Variants in POLR2K observed in about 807,000 individuals in gnomAD.
POLR2K encodes RNA polymerase II, I and III subunit K.
A neutral mutation model predicts 10.1 loss-of-function variants in POLR2K; 9 were observed. The ratio of observed to expected loss-of-function variants is 0.89; its 90% CI spans 0.54 to 1.56. The LOEUF (loss-of-function observed/expected upper bound fraction) is 1.56, where lower values mean the gene tolerates loss of function less well. Ranked by LOEUF, POLR2K falls within the 40% of genes most tolerant of loss-of-function variation. The probability of loss-of-function intolerance (pLI) is 0.00; values close to 1 mark genes in which losing one functional copy is unlikely to be tolerated. For missense variants in POLR2K, 53 were observed against 71.9 expected (o/e 0.74, Z 0.95); for synonymous variants, 19 against 20.3 (o/e 0.94, Z 0.17).
rs1586360976 is a variant in POLR2K, at chr8:100,151,744, A to G, written c.62-80A>G. On this transcript the variant is annotated intron_variant, in intron 2 of 3. Coordinates refer to ENST00000353107, the MANE Select transcript of POLR2K (RefSeq NM_005034.4). ...ATATTTTAGTGTTTTGGATTGCCTT[A>G]GGTAAATAATACATTTAAGATAATT... is the stretch of plus-strand genomic sequence containing the variant. The G allele has an allele frequency of 2.0e-5, 14 of 689,766 alleles. 1 individual carries two copies. In the East Asian group the frequency reaches 3.6e-4, roughly 18 times the overall value. The allele number at this position is 689,766 out of a possible 1,614,324, so 42.7% of individuals were successfully genotyped here.
intron 2 of POLR2K, 38 bp downstream of exon 2, chr8:100,151,454 T>A (rs545149302): frequency 7.7e-7 from 1 of 1,299,816 alleles, no homozygotes; most frequent in Admixed American, 1.7e-5. Context: ...AATATTTTAT[T>A]TAAGTTTTTT....
chr8:100,151,565 A>T (rs1814919571), intron 2 of POLR2K, 149 bp downstream of exon 2: 2 of 639,438 alleles, frequency 3.1e-6, no homozygotes, highest in South Asian at 4.0e-5. Context: ...TGAGGTCAGT[A>T]GACCTGGGTT....
rs1487354077 is a variant in POLR2K, at chr8:100,150,644, G to T, written c.-75G>T. 1 of 152,422 alleles carries T rather than the reference G, an allele frequency of 6.6e-6. No homozygotes were observed. Among genetic ancestry groups the T allele is most frequent in the Non-Finnish European group, 1.5e-5 (1 of 68,206 alleles). The allele number at this position is 152,422 out of a possible 1,614,324, so 9.4% of individuals were successfully genotyped here. A position where few individuals can be genotyped will look rare whatever the true frequency, so the allele number is the denominator to read the frequency against. On this transcript the variant is annotated 5_prime_UTR_variant, in exon 1 of 4. Transcript: ENST00000353107. ...CGTCATGTACCAGCGCCGGAAGTTG[G>T]TCTCGACACCTGGACTAGCCGGGTT...
chr8:100,151,799 A>C (rs1409721837), intron 2 of POLR2K, 25 bp from the exon 3 acceptor site: 4 of 1,093,190 alleles, frequency 3.7e-6, no homozygotes, highest in Non-Finnish European at 5.5e-6. Context: ...TTAGGCATTG[A>C]GTAAATTTTT....
intron 3 of POLR2K, 76 bp downstream of exon 3, chr8:100,151,992 C>G (rs758783411): frequency 9.0e-6 from 7 of 775,626 alleles, no homozygotes; most frequent in African/African-American, 1.8e-5. Context: ...AGATTAATTT[C>G]TGGTTAAAAT....
intron 3 of POLR2K, chr8:100,152,210 C>G: frequency 5.6e-6 from 3 of 533,192 alleles, no homozygotes; most frequent in South Asian, 4.7e-5. Context: ...CTACAGAAAC[C>G]TAGACCGTAT....
chr8:100,151,549 A>T (rs1814919255), intron 2 of POLR2K, 133 bp downstream of exon 2: 3 of 686,468 alleles, frequency 4.4e-6, no homozygotes, highest in African/African-American at 1.8e-5. Flanking sequence ...CCATAAAAAA[A>T]ATCGTTGAGG....
intron 2 of POLR2K, 124 bp from the exon 3 acceptor site, chr8:100,151,700 C>T: frequency 1.7e-6 from 1 of 605,938 alleles, no homozygotes; most frequent in South Asian, 2.2e-5. Context: ...ATAAAAGCAG[C>T]AGACCCTTGA....
At chr8:100,151,137 A>C (rs573793419) in intron 1 of POLR2K, among the ~76,000 whole-genome samples, 4 of 152,350 alleles carry the variant, frequency 2.6e-5, no homozygotes, top group African/African-American at 9.6e-5. Context: ...ATAATGGCCT[A>C]ACACGTATGA....
intron 1 of POLR2K, among the ~76,000 whole-genome samples, chr8:100,151,000 T>G (rs1157735285): frequency 6.6e-6 from 1 of 152,188 alleles, no homozygotes; most frequent in African/African-American, 2.4e-5. Context: ...AACGCGAGCT[T>G]TACAGTCAGA....
In POLR2K at chr8:100,152,383, G is replaced by A. The variant is rs574330788; in HGVS notation, c.154+467G>A. Among the ~76,000 whole-genome samples the A allele has an allele frequency of 1.0e-3, 152 of 152,280 alleles. 1 individual carries two copies. The highest frequency in any genetic ancestry group is 1.6e-3 in the Non-Finnish European group (111 of 68,024). On this transcript the variant is annotated intron_variant, in intron 3 of 3. Transcript: ENST00000353107. ...GCAAAAATAGAGTATAATCTTATGC[G>A]ACCACTGTTTATATGTGCTCCATCT...
intron 3 of POLR2K, 144 bp downstream of exon 3, chr8:100,152,060 C>T (rs1325769438): frequency 3.1e-6 from 2 of 650,642 alleles, no homozygotes; most frequent in South Asian, 1.8e-5. Flanking sequence ...TTTCATGGAC[C>T]AATGCATAGG....
intron 3 of POLR2K, 75 bp from the exon 4 acceptor site, chr8:100,153,219 G>T: frequency 9.3e-7 from 1 of 1,076,732 alleles, no homozygotes; most frequent in South Asian, 1.4e-5. Context: ...TTATTGCAAA[G>T]AGAAAGTGAC....
rs1212909549 is a variant in POLR2K at position 100,153,514 on chromosome 8, C to A, written c.*198C>A. The A allele has an allele frequency of 6.4e-6, 3 of 466,800 alleles. No homozygotes were observed. The highest frequency in any genetic ancestry group is 7.5e-6 in the Non-Finnish European group (2 of 265,086). 28.9% of individuals were successfully genotyped at this position (466,800 alleles called of 1,614,324 possible). ...ACACTGTTTTTTCCATATATATATA[C>A]CTATGATAAAGTATAATGTATAAAT... On this transcript the variant is annotated 3_prime_UTR_variant, in exon 4 of 4. Coordinates refer to ENST00000353107, the MANE Select transcript of POLR2K (RefSeq NM_005034.4).
At chr8:100,151,455 T>A (rs1196728546) in intron 2 of POLR2K, 39 bp downstream of exon 2, 5 of 1,300,128 alleles carry the variant, frequency 3.8e-6, no homozygotes, top group Non-Finnish European at 5.6e-6. Context: ...ATATTTTATT[T>A]AAGTTTTTTT....
At position 100,153,569 on chromosome 8, in the gene POLR2K, AAT is replaced by A. The variant is rs1189449242; in HGVS notation, c.*255_*256del. On this transcript the variant is annotated 3_prime_UTR_variant, in exon 4 of 4. Transcript: ENST00000353107. ...CATAGCAAGAGATTAATAATAATGT[AAT>A]AGAACAATGATAACATACTATAATA... 2.0e-5 allele frequency: 7 copies of A among 351,678 alleles called. No homozygotes were observed. Among genetic ancestry groups the A allele is most frequent in the Non-Finnish European group, 3.5e-5 (7 of 197,724 alleles). 21.8% of individuals were successfully genotyped at this position (351,678 alleles called of 1,614,324 possible).
In POLR2K at chr8:100,153,411, G is replaced by T; in HGVS notation, c.*95G>T. 2 of 1,084,894 alleles carry T rather than the reference G, an allele frequency of 1.8e-6. No individual in the cohort carries two copies. The highest frequency in any genetic ancestry group is 2.8e-6 in the Non-Finnish European group (2 of 711,152). 67.2% of individuals were successfully genotyped at this position (1,084,894 alleles called of 1,614,324 possible). ...ATAGCTTTCGATTTTGCTTACAGTA[G>T]TTCCCCCTTATCTTCGGGAGATACA... On this transcript the variant is annotated 3_prime_UTR_variant, in exon 4 of 4. Coordinates refer to ENST00000353107, the MANE Select transcript of POLR2K (RefSeq NM_005034.4).
chr8:100,152,101 T>G, intron 3 of POLR2K, 185 bp downstream of exon 3: 1 of 597,252 alleles, frequency 1.7e-6, no homozygotes, highest in Non-Finnish European at 2.9e-6. Context: ...GCTAGTTGAT[T>G]TTGGTTCTCA....
intron 3 of POLR2K, among the ~76,000 whole-genome samples, chr8:100,152,808 C>G (rs1011429994): frequency 1.3e-5 from 2 of 152,098 alleles, no homozygotes; most frequent in East Asian, 3.8e-4. Flanking sequence ...CTCTGTCACC[C>G]AGGCTGGTGT....
Sources: gnomAD v4.1 joint callset for allele counts (sites outside exome capture counted in the v4.1 genomes callset) on GRCh38, gnomAD v4.1.1 for gene constraint, MANE v1.5 for transcripts, NCBI Gene and HGNC (gene_info 2026-07-23, HGNC 2026-07-21) for gene names.